Variants in MECOM observed in about 807,000 individuals in gnomAD.
MECOM encodes histone-lysine N-methyltransferase MECOM.
A neutral mutation model predicts 116.3 loss-of-function variants in MECOM; 13 were observed. The ratio of observed to expected loss-of-function variants is 0.11; its 90% CI spans 0.07 to 0.18. The LOEUF (loss-of-function observed/expected upper bound fraction) is 0.18. Ranked by LOEUF, MECOM falls within the 10% of genes least tolerant of loss-of-function variation. The pLI is 1.00. For missense variants in MECOM, 1,299 were observed against 1,509.0 expected (o/e 0.86, Z 2.31); for synonymous variants, 528 against 535.2 (o/e 0.99, Z 0.19).
intron 2 of MECOM, among the ~76,000 whole-genome samples, chr3:169,192,890 A>T (rs79299612): frequency 0.069 from 10,560 of 152,066 alleles, 617 homozygotes; most frequent in East Asian, 0.31. Flanking sequence ...TATTTTTATC[A>T]TTGGAGCTTG....
At chr3:169,525,406 T>C (rs1194322285) in intron 1 of MECOM, among the ~76,000 whole-genome samples, 1 of 152,242 alleles carries the variant, frequency 6.6e-6, no homozygotes, top group African/African-American at 2.4e-5. Flanking sequence ...AGTAAATCTT[T>C]CGTAGTAATT....
chr3:169,551,373 T>C (rs76089058), intron 1 of MECOM, among the ~76,000 whole-genome samples: 2 of 145,790 alleles, frequency 1.4e-5, no homozygotes, highest in Middle Eastern at 3.6e-3. Context: ...ATCTACACTT[T>C]AAAAAAAAAA....
At chr3:169,363,404 C>T (rs1249587510) in intron 2 of MECOM, among the ~76,000 whole-genome samples, 1 of 151,896 alleles carries the variant, frequency 6.6e-6, no homozygotes, top group Non-Finnish European at 1.5e-5. Flanking sequence ...ACTCCATCGG[C>T]CAACATTATT....
At chr3:169,457,338 T>G (rs1009345517) in intron 1 of MECOM, among the ~76,000 whole-genome samples, 2 of 152,194 alleles carry the variant, frequency 1.3e-5, no homozygotes, top group African/African-American at 4.8e-5. Context: ...GAGCTACAAT[T>G]GTTTGGTCGG....
At chr3:169,241,487 C>A (rs927978455) in intron 2 of MECOM, among the ~76,000 whole-genome samples, 1 of 152,178 alleles carries the variant, frequency 6.6e-6, no homozygotes, top group Non-Finnish European at 1.5e-5. Context: ...GAATCCGAAA[C>A]TATTCATTTT....
intron 1 of MECOM, among the ~76,000 whole-genome samples, chr3:169,556,884 C>T (rs181466145): frequency 1.3e-5 from 2 of 152,060 alleles, no homozygotes; most frequent in Admixed American, 6.5e-5. Flanking sequence ...GTTATGCCAG[C>T]TCCCAGATTC....
chr3:169,182,428 C>T (rs1325250824), intron 2 of MECOM, among the ~76,000 whole-genome samples: 2 of 152,138 alleles, frequency 1.3e-5, no homozygotes. Flanking sequence ...GCACGAGCTC[C>T]GCTGACCACA....
chr3:169,148,591 G>T (rs991050759), intron 2 of MECOM, among the ~76,000 whole-genome samples: 4 of 152,140 alleles, frequency 2.6e-5, no homozygotes, highest in Admixed American at 6.5e-5. Flanking sequence ...ACAATGGAAA[G>T]TTAAGCAAAG....
intron 5 of MECOM, among the ~76,000 whole-genome samples, chr3:169,125,589 A>G (rs1259336613): frequency 1.3e-5 from 2 of 152,150 alleles, no homozygotes; most frequent in East Asian, 3.9e-4. Context: ...GAAACTCCAT[A>G]TTGTTCCATA....
chr3:169,616,519 T>C (rs1398124442), intron 1 of MECOM, among the ~76,000 whole-genome samples: 1 of 152,182 alleles, frequency 6.6e-6, no homozygotes, highest in African/African-American at 2.4e-5. Flanking sequence ...CTAATTTTTG[T>C]ATTTTTTTAG....
chr3:169,459,882 G>C (rs1747136232), intron 1 of MECOM, among the ~76,000 whole-genome samples: 1 of 152,152 alleles, frequency 6.6e-6, no homozygotes, highest in African/African-American at 2.4e-5. Flanking sequence ...CTGGTGCTAG[G>C]CAGTGGAGAA....
intron 1 of MECOM, among the ~76,000 whole-genome samples, chr3:169,581,275 C>A (rs1274200322): frequency 6.6e-6 from 1 of 152,110 alleles, no homozygotes; most frequent in Non-Finnish European, 1.5e-5. Flanking sequence ...TCCTTAATGT[C>A]CATCTTTATA....
At chr3:169,328,359 G>A (rs1043108497) in intron 2 of MECOM, among the ~76,000 whole-genome samples, 15 of 152,090 alleles carry the variant, frequency 9.9e-5, no homozygotes, top group Non-Finnish European at 1.3e-4. Context: ...CAACTAGATC[G>A]TGTTTCAAGG....
At chr3:169,261,689 G>A (rs193194738) in intron 2 of MECOM, among the ~76,000 whole-genome samples, 6 of 151,942 alleles carry the variant, frequency 3.9e-5, no homozygotes, top group South Asian at 2.1e-4. Context: ...CAACAAGAGC[G>A]AAACTCCATC....
In MECOM at chr3:169,198,177, G is replaced by C. The variant is rs563067477; in HGVS notation, c.376-54345C>G. ...TTCTGACAATAAAAGATGATGTTGA[G>C]TTAGTGACCAGTTCATAACAACAGA... On this transcript the variant is annotated intron_variant, in intron 2 of 16. Transcript: ENST00000651503. Among the ~76,000 whole-genome samples the C allele has an allele frequency of 1.1e-4, 17 of 152,080 alleles. No individual in the cohort carries two copies. In the East Asian group the frequency reaches 1.7e-3, roughly 16 times the overall value.
chr3:169,369,342 CTTTTTTTTTTTTTT>C (rs10661629), intron 2 of MECOM, among the ~76,000 whole-genome samples: 2 of 86,962 alleles, frequency 2.3e-5, no homozygotes, highest in African/African-American at 1.0e-4. Context: ...TGATTGCAGC[CTTTTTTTTTTTTTT>C]TTTTTTTTGA....
intron 12 of MECOM, among the ~76,000 whole-genome samples, chr3:169,098,594 C>T (rs568359373): frequency 9.8e-5 from 15 of 152,290 alleles, no homozygotes; most frequent in East Asian, 9.6e-4. Context: ...AAGGTTATTA[C>T]TTTTTCTCTT....
intron 2 of MECOM, chr3:169,144,903 A>C: frequency 1.1e-6 from 1 of 938,164 alleles, no homozygotes. Flanking sequence ...AACCACATAA[A>C]AGTTAAAATT....
chr3:169,208,890 G>A (rs1257017197), intron 2 of MECOM, among the ~76,000 whole-genome samples: 15 of 130,088 alleles, frequency 1.2e-4, no homozygotes, highest in South Asian at 4.8e-4. Flanking sequence ...CAAGACAATC[G>A]TAAGCAAAAA....
Sources: gnomAD v4.1 joint callset for allele counts (sites outside exome capture counted in the v4.1 genomes callset) on GRCh38, gnomAD v4.1.1 for gene constraint, MANE v1.5 for transcripts, NCBI Gene and HGNC (gene_info 2026-07-23, HGNC 2026-07-21) for gene names.